The following UNC13D variants were observed in gnomAD, a reference collection of about 807,000 sequenced individuals.
UNC13D encodes the protein protein unc-13 homolog D.
UNC13D carries 115 observed loss-of-function variants against 151.7 expected under a neutral mutation model. The ratio of observed to expected loss-of-function variants is 0.76; its 90% confidence interval spans 0.65 to 0.88. UNC13D has a LOEUF of 0.88. UNC13D is among the 40% of genes least tolerant of loss of function. The pLI, the probability that UNC13D is intolerant of heterozygous loss-of-function variation, is 0.00. For synonymous variants in UNC13D, 588 were observed against 612.2 expected (o/e 0.96, Z 0.58); for missense variants, 1,369 against 1,438.7 (o/e 0.95, Z 0.78).
Position 75,829,878 on chromosome 17 carries a change from G to A in UNC13D, c.2954+150C>T, listed in dbSNP as rs2062149122. On this transcript the variant is annotated intron_variant, in intron 30 of 31. Coordinates refer to ENST00000207549, the MANE Select transcript of UNC13D (RefSeq NM_199242.3). Reference sequence around the variant, plus strand: ...CAGGTGTGAGCCACCACATCCAGCTGCAAACTCTTGTCCCAGATGCCCCAT... The same window carrying A: ...CAGGTGTGAGCCACCACATCCAGCTACAAACTCTTGTCCCAGATGCCCCAT... 1.7e-5 allele frequency: 22 copies of A among 1,260,558 alleles called. 1 individual carries two copies. The highest frequency in any genetic ancestry group is 1.1e-4 in the South Asian group (8 of 72,112). 78.1% of individuals were successfully genotyped at this position (1,260,558 alleles called of 1,614,324 possible). A position where few individuals can be genotyped will look rare whatever the true frequency, so the allele number is the denominator to read the frequency against.
In UNC13D at chr17:75,827,707, C is replaced by A; in HGVS notation, c.*258G>T. 6.6e-7 allele frequency: 1 copy of A among 1,519,808 alleles called. No individual in the cohort carries two copies. The highest frequency in any genetic ancestry group is 8.8e-7 in the Non-Finnish European group (1 of 1,136,210). 94.1% of individuals were successfully genotyped at this position (1,519,808 alleles called of 1,614,324 possible). A position where few individuals can be genotyped will look rare whatever the true frequency, so the allele number is the denominator to read the frequency against. On this transcript the variant is annotated 3_prime_UTR_variant, in exon 32 of 32. Coordinates refer to ENST00000207549, the MANE Select transcript of UNC13D (RefSeq NM_199242.3). The stretch of plus-strand genomic sequence containing the variant: ...GAGAGGCGGGCAGGGGCAGGGTTTG[C>A]TCCCCCTGGTGCTGGGATGTGGTAG...
chr17:75,843,346 C>T (rs537745084), intron 2 of UNC13D, 80 bp from the exon 3 acceptor site: 88 of 1,583,830 alleles, frequency 5.6e-5, no homozygotes, highest in East Asian at 2.7e-4. Flanking sequence ...AGGACAAGGG[C>T]GGCTTGTGCA....
In UNC13D at chr17:75,833,503, G is replaced by A. The variant is rs554871633; in HGVS notation, c.2368-458C>T. Among the ~76,000 whole-genome samples, 3 of 152,218 alleles carry A rather than the reference G, an allele frequency of 2.0e-5. 1 individual carries two copies. Among genetic ancestry groups the A allele is most frequent in the African/African-American group, 4.8e-5 (2 of 41,514 alleles). ...TAGCACACTGCATGTGTGTGCACGCGCATACACGCCTGTGCATAGAGTTAA... is the reference window on the plus strand; with the variant it reads ...TAGCACACTGCATGTGTGTGCACGCACATACACGCCTGTGCATAGAGTTAA... On this transcript the variant is annotated intron_variant, in intron 24 of 31. Coordinates refer to ENST00000207549, the MANE Select transcript of UNC13D (RefSeq NM_199242.3). This position sits in a 1 kb window ranked among gnomAD's most constrained non-coding sequence, Gnocchi z 4.0.
rs1304945077 is a variant in UNC13D, at chr17:75,838,250, G to A, written c.1056-1332C>T. Among the ~76,000 whole-genome samples, 8 of 149,258 alleles carry A rather than the reference G, an allele frequency of 5.4e-5. No homozygotes were observed. The East Asian group carries it at 1.4e-3, about 26-fold the overall frequency. ...TTTTTTTTTTTTGAGACAGAGCCTC[G>A]CTGTGTCGCCCAGGCTGGAGTGCAG... On this transcript the variant is annotated intron_variant, in intron 12 of 31. Coordinates refer to ENST00000207549, the MANE Select transcript of UNC13D (RefSeq NM_199242.3).
chr17:75,837,152 G>A (rs933377347), intron 12 of UNC13D, among the ~76,000 whole-genome samples: 6 of 151,438 alleles, frequency 4.0e-5, no homozygotes, highest in Admixed American at 1.3e-4. Flanking sequence ...TGCAACCTGC[G>A]CCTCCTGGGT....
chr17:75,839,288 G>GCTA (rs2064931179), intron 12 of UNC13D, among the ~76,000 whole-genome samples: 1 of 151,934 alleles, frequency 6.6e-6, no homozygotes, highest in Admixed American at 6.6e-5. Context: ...TGTAATCCCA[G>GCTA]CTACTCGGGA....
chr17:75,842,966 G>A, intron 4 of UNC13D, 43 bp from the exon 5 acceptor site: 3 of 1,613,078 alleles, frequency 1.9e-6, no homozygotes, highest in Non-Finnish European at 2.5e-6. Flanking sequence ...GAGGGGGCTG[G>A]GCTTCCCAGG....
chr17:75,828,803 CG>C lies in UNC13D; in HGVS notation c.3134del (p.Thr1045SerfsTer27). ...GEVPQTRLPL[T>X]YPAPNGDPIL... is the part of the protein sequence containing the mutation. ...CAGGCCTACCGTTGGGTGCGGGGTA[CG>C]TGAGGGGCAGGCGGGTCTGAGGCAC... is the stretch of plus-strand genomic sequence containing the variant. On this transcript the variant is annotated frameshift_variant, in exon 31 of 32. Transcript: ENST00000207549. LOFTEE classifies it high-confidence loss of function. 6.4e-7 allele frequency: 1 copy of C among 1,552,682 alleles called. No individual in the cohort carries two copies. Among genetic ancestry groups the C allele is most frequent in the Non-Finnish European group, 8.7e-7 (1 of 1,150,452 alleles).
Position 75,843,168 on chromosome 17 carries a change from G to A in UNC13D, c.252C>T (p.Tyr84=). The change falls in exon 3 of 32, where the codon TAC becomes TAT. Residue 84 remains tyrosine (Y), a synonymous_variant. Transcript: ENST00000207549. ...TGGGAGCCGGGCTCACCTCCTGCAG[G>A]TATCGCAGCAGCTCAGAGGCCTCCG... The part of the protein sequence containing the change: ...HVTEASELLR[Y]LQEAFHVEPE... 2 of 1,612,090 alleles carry A rather than the reference G, an allele frequency of 1.2e-6. No individual in the cohort carries two copies. Among genetic ancestry groups the A allele is most frequent in the Middle Eastern group, 1.7e-4 (1 of 5,988 alleles).
chr17:75,828,091 G>A lies in UNC13D; in HGVS notation c.3152-5C>T, dbSNP rs564198879. The A allele has an allele frequency of 3.0e-5, 47 of 1,571,760 alleles. No individual in the cohort carries two copies. The highest frequency in any genetic ancestry group is 1.7e-4 in the Middle Eastern group (1 of 5,986). On this transcript the variant is annotated splice_polypyrimidine_tract_variant and splice_region_variant and intron_variant, in intron 31 of 31. Coordinates refer to ENST00000207549, the MANE Select transcript of UNC13D (RefSeq NM_199242.3). Reference sequence around the variant, plus strand: ...GCAGCTGCAGGATTGGGTCCCCTGCGGAGAGAGGGGTTTGGGGGTCAGATG... The same window carrying A: ...GCAGCTGCAGGATTGGGTCCCCTGCAGAGAGAGGGGTTTGGGGGTCAGATG...
chr17:75,844,387 G>C lies in UNC13D; in HGVS notation c.-50C>G, dbSNP rs372829323. 7 of 1,554,244 alleles carry C rather than the reference G, an allele frequency of 4.5e-6. No homozygotes were observed. Among genetic ancestry groups the C allele is most frequent in the Non-Finnish European group, 5.2e-6 (6 of 1,147,994 alleles). Reference sequence around the variant, plus strand: ...TCCGCTGGTGCTGGGTGAAGACAGCGAAGCCACAGGATTATGCAAAGAGCC... The same window carrying C: ...TCCGCTGGTGCTGGGTGAAGACAGCCAAGCCACAGGATTATGCAAAGAGCC... On this transcript the variant is annotated 5_prime_UTR_variant, in exon 1 of 32. Coordinates refer to ENST00000207549, the MANE Select transcript of UNC13D (RefSeq NM_199242.3).
chr17:75,840,500 T>G lies in UNC13D; in HGVS notation c.753+7A>C, dbSNP rs1392305941. The G allele has an allele frequency of 3.1e-6, 5 of 1,607,260 alleles. No homozygotes were observed. In the South Asian group the frequency reaches 5.5e-5, roughly 18 times the overall value. ...CGCTCCTGGGCCCCTTTCCTCATCC[T>G]CCTCACCTGCAGCCTCAGAACCACG... On this transcript the variant is annotated splice_region_variant and intron_variant, in intron 9 of 31. Transcript: ENST00000207549. This position sits in a 1 kb window ranked among gnomAD's most constrained non-coding sequence, Gnocchi z 4.6.
Position 75,836,107 on chromosome 17 carries a change from G to T in UNC13D, c.1449C>A (p.Gly483=). The T allele has an allele frequency of 6.2e-7, 1 of 1,613,296 alleles. No homozygotes were observed. The highest frequency in any genetic ancestry group is 8.5e-7 in the Non-Finnish European group (1 of 1,180,034). ...GCAAGGCCTTGCCTGCCTCCGGGAT[G>T]CCCTGCAGAGACAGAGGTGGGCTGG... ...KQQHHQPMVQ[G]IPEAGKALLG... The change falls in exon 17 of 32, where the codon GGC becomes GGA. Residue 483 remains glycine (G), a splice_region_variant and synonymous_variant. Coordinates refer to ENST00000207549, the MANE Select transcript of UNC13D (RefSeq NM_199242.3).
At position 75,833,524 on chromosome 17, in the gene UNC13D, G is replaced by A. The variant is rs1400624344; in HGVS notation, c.2368-479C>T. ...ACGCGCATACACGCCTGTGCATAGAGTTAACAGCTATAACTATCACTATAG... is the reference window on the plus strand; with the variant it reads ...ACGCGCATACACGCCTGTGCATAGAATTAACAGCTATAACTATCACTATAG... On this transcript the variant is annotated intron_variant, in intron 24 of 31. Transcript: ENST00000207549. The surrounding 1 kb of genome is among the most constrained non-coding windows in gnomAD (Gnocchi z 4.0). Among the ~76,000 whole-genome samples the A allele has an allele frequency of 6.6e-6, 1 of 152,152 alleles. No homozygotes were observed. Among genetic ancestry groups the A allele is most frequent in the Non-Finnish European group, 1.5e-5 (1 of 68,048 alleles).
intron 31 of UNC13D, 126 bp from the exon 32 acceptor site, chr17:75,828,212 G>A: frequency 2.1e-6 from 3 of 1,407,564 alleles, no homozygotes; most frequent in Non-Finnish European, 1.9e-6. Flanking sequence ...AAGGAAACAA[G>A]TGACAGACCC....
In UNC13D at chr17:75,830,875, C is replaced by A. The variant is rs1314161742; in HGVS notation, c.2626-214G>T. On this transcript the variant is annotated intron_variant, in intron 27 of 31. Transcript: ENST00000207549. Reference sequence around the variant, plus strand: ...TCACAGGCGTGCTTCCCCGACCCCACCCCCCATGCGGGCACACAGGGCCCC... The same window carrying A: ...TCACAGGCGTGCTTCCCCGACCCCAACCCCCATGCGGGCACACAGGGCCCC... Among the ~76,000 whole-genome samples the A allele has an allele frequency of 2.7e-5, 4 of 148,726 alleles. No homozygotes were observed. The South Asian group carries it at 6.4e-4, about 24-fold the overall frequency.
chr17:75,831,292 GA>G lies in UNC13D; in HGVS notation c.2503del (p.Ser835ProfsTer12). 1 of 1,613,784 alleles carries G rather than the reference GA, an allele frequency of 6.2e-7. No individual in the cohort carries two copies. Among genetic ancestry groups the G allele is most frequent in the Non-Finnish European group, 8.5e-7 (1 of 1,180,032 alleles). ...TLTVLVEAAA[S>X]QRSSSLASNR... ...GGAAGCCAGGGATGAGCTGCGCTGG[GA>G]GGCGGCCGCCTCCACCAGCACTGTG... On this transcript the variant is annotated frameshift_variant, in exon 26 of 32. Coordinates refer to ENST00000207549, the MANE Select transcript of UNC13D (RefSeq NM_199242.3). LOFTEE classifies it high-confidence loss of function.
At chr17:75,830,876 C>G (rs1357925258) in intron 27 of UNC13D, among the ~76,000 whole-genome samples, 2 of 152,230 alleles carry the variant, frequency 1.3e-5, no homozygotes, top group East Asian at 3.8e-4. Context: ...CCGACCCCAC[C>G]CCCCATGCGG....
At chr17:75,835,556 G>T in intron 19 of UNC13D, 27 bp from the exon 20 acceptor site, 1 of 1,601,866 alleles carries the variant, frequency 6.2e-7, no homozygotes. Flanking sequence ...CTCAGCGTCG[G>T]GAAGGCTGGG....
Sources: allele counts gnomAD v4.1 joint callset (sites outside exome capture counted in the v4.1 genomes callset), GRCh38; gene constraint gnomAD v4.1.1; non-coding constraint Gnocchi (gnomAD v3.1); transcripts MANE v1.5; gene names NCBI Gene and HGNC (gene_info 2026-07-23, HGNC 2026-07-21).